TMX3: variants seen among roughly 807,000 people sequenced by gnomAD.
TMX3 encodes thioredoxin related transmembrane protein 3, also known as protein disulfide-isomerase TMX3.
In TMX3, 40 loss-of-function variants were observed where a neutral mutation model predicts 64.4. The observed-to-expected ratio is 0.62, with a 90% confidence interval of 0.48 to 0.81. TMX3 has a LOEUF of 0.81. TMX3 is among the 30% of genes least tolerant of loss of function. TMX3 has a pLI of 0.00. For missense variants in TMX3, 497 were observed against 534.5 expected, an observed-to-expected ratio of 0.93 and a Z score of 0.69; for synonymous variants, 189 against 175.7, an observed-to-expected ratio of 1.08 and a Z score of -0.60.
chr18:68,686,972 T>C lies in TMX3; in HGVS notation c.736+695A>G, dbSNP rs1226607550. ...GAAGAGGAAACCCTATGCCTATTACTTACATTAAAAAAAAATAAGTCTTGA... is the reference window on the plus strand; with the variant it reads ...GAAGAGGAAACCCTATGCCTATTACCTACATTAAAAAAAAATAAGTCTTGA... On this transcript the variant is annotated intron_variant, in intron 10 of 15. Transcript: ENST00000299608. 5.1e-6 allele frequency: 5 copies of C among 983,404 alleles called. No homozygotes were observed. The East Asian group carries it at 4.5e-4, about 89-fold the overall frequency. The allele number at this position is 983,404 out of a possible 1,614,324, so 60.9% of individuals were successfully genotyped here. A position where few individuals can be genotyped will look rare whatever the true frequency, so the allele number is the denominator to read the frequency against.
At chr18:68,698,673 G>C (rs886885796) in intron 6 of TMX3, among the ~76,000 whole-genome samples, 6 of 152,058 alleles carry the variant, frequency 3.9e-5, no homozygotes, top group African/African-American at 1.2e-4. Flanking sequence ...ATTGAGCAAT[G>C]AATTACGTCA....
chr18:68,712,445 T>C (rs1197135438), intron 2 of TMX3, among the ~76,000 whole-genome samples: 3 of 152,196 alleles, frequency 2.0e-5, no homozygotes, highest in African/African-American at 7.2e-5. Flanking sequence ...TGAATTTCCA[T>C]GAGCCATCTC....
At chr18:68,711,434 T>C in intron 2 of TMX3, 31 bp from the exon 3 acceptor site, 2 of 1,520,676 alleles carry the variant, frequency 1.3e-6, no homozygotes, top group South Asian at 1.2e-5. Context: ...TGTTTGATTG[T>C]ATGTTTGTGT....
chr18:68,690,984 T>G (rs1361486928), intron 9 of TMX3: 1 of 279,446 alleles, frequency 3.6e-6, no homozygotes, highest in Non-Finnish European at 6.6e-6. Context: ...TCTGAAATGT[T>G]ACTTCAAAAA....
intron 10 of TMX3, among the ~76,000 whole-genome samples, 153 bp from the exon 11 acceptor site, chr18:68,684,638 C>T (rs879896337): frequency 1.3e-5 from 2 of 152,148 alleles, no homozygotes; most frequent in African/African-American, 2.4e-5. Context: ...CAACACATTA[C>T]GGTATATGTT....
At chr18:68,687,264 G>T (rs1914056551) in intron 10 of TMX3, 1 of 985,234 alleles carries the variant, frequency 1.0e-6, no homozygotes, top group Non-Finnish European at 1.2e-6. Context: ...AGCGTAACTT[G>T]AAGAAACCAT....
chr18:68,684,608 C>T lies in TMX3; in HGVS notation c.737-123G>A, dbSNP rs553617184. ...CTAGAATTTAATTCCAATCACCCTA[C>T]ATGTTATATCAAATTAAATCAACAC... On this transcript the variant is annotated intron_variant, in intron 10 of 15. Coordinates refer to ENST00000299608, the MANE Select transcript of TMX3 (RefSeq NM_019022.5). 11 of 752,090 alleles carry T rather than the reference C, an allele frequency of 1.5e-5. No homozygotes were observed. In the East Asian group the frequency reaches 2.3e-4, roughly 15 times the overall value. The allele number at this position is 752,090 out of a possible 1,614,324, so 46.6% of individuals were successfully genotyped here.
intron 10 of TMX3, chr18:68,686,985 A>C: frequency 1.0e-6 from 1 of 983,524 alleles, no homozygotes; most frequent in Non-Finnish European, 1.2e-6. Flanking sequence ...CATTAAAAAA[A>C]AATAAGTCTT....
In TMX3 at chr18:68,700,475, C is replaced by T. The variant is rs768329170; in HGVS notation, c.322G>A (p.Asp108Asn). ...GGTCCTCTATAATTATATGCCAAGTCCCCTTTTAATCTTTAAAAAAAAAAA... is the reference window on the plus strand; with the variant it reads ...GGTCCTCTATAATTATATGCCAAGTTCCCTTTTAATCTTTAAAAAAAAAAA... The part of the protein sequence containing the change: ...GYPTIKLLKG[D>N]LAYNYRGPRT... The change falls in exon 6 of 16, where the codon GAC becomes AAC. Residue 108 changes from aspartate (D) to asparagine (N), a missense_variant. Physicochemically the swap from Asp to Asn is conservative, Grantham distance 23. Around this residue, in one of 3 missense-constraint regions of TMX3, gnomAD observed 360 missense variants for 383.5 expected, o/e 0.94. Coordinates refer to ENST00000299608, the MANE Select transcript of TMX3 (RefSeq NM_019022.5). 1.7e-5 allele frequency: 26 copies of T among 1,551,200 alleles called. No individual in the cohort carries two copies. In the African/African-American group the frequency reaches 3.5e-4, roughly 21 times the overall value.
intron 12 of TMX3, 50 bp from the exon 13 acceptor site, chr18:68,683,031 GGA>G (rs150451307): frequency 9.2e-4 from 1,374 of 1,498,016 alleles, no homozygotes; most frequent in South Asian, 1.8e-3. Flanking sequence ...GGGGGTGGGG[GGA>G]GAGAGAGAGA....
At chr18:68,697,428 C>T (rs1915204140) in intron 7 of TMX3, 125 bp from the exon 8 acceptor site, 2 of 464,402 alleles carry the variant, frequency 4.3e-6, no homozygotes, top group African/African-American at 4.1e-5. Context: ...ACCTTACATC[C>T]TCTTAGGTGA....
At chr18:68,707,626 T>C (rs533627350) in intron 4 of TMX3, among the ~76,000 whole-genome samples, 17 of 152,358 alleles carry the variant, frequency 1.1e-4, no homozygotes, top group South Asian at 8.3e-4. Context: ...TTTATCTTCA[T>C]AGTCCCACAT....
Position 68,691,348 on chromosome 18 carries a change from T to G in TMX3, c.584A>C (p.Lys195Thr). ...EEVVPEYVTL[K>T]EMPAVLVFKD... is the part of the protein sequence containing the mutation. ...GAAAACAAGCACAGCTGGCATCTCT[T>G]TTAGTGTCACATACTGCAAAAAATC... The change falls in exon 9 of 16, where the codon AAA (lysine) becomes ACA (threonine). Residue 195 changes from lysine (K) to threonine (T), a missense_variant. Around this residue, in one of 3 missense-constraint regions of TMX3, gnomAD observed 360 missense variants for 383.5 expected, o/e 0.94. Coordinates refer to ENST00000299608, the MANE Select transcript of TMX3 (RefSeq NM_019022.5). 6.4e-7 allele frequency: 1 copy of G among 1,562,182 alleles called. No homozygotes were observed. Among genetic ancestry groups the G allele is most frequent in the Non-Finnish European group, 8.7e-7 (1 of 1,149,766 alleles).
chr18:68,678,427 A>G (rs1913127997), intron 15 of TMX3, among the ~76,000 whole-genome samples: 1 of 152,096 alleles, frequency 6.6e-6, no homozygotes, highest in African/African-American at 2.4e-5. Context: ...AAGAGTGTCA[A>G]GCGAGAAGGT....
chr18:68,681,332 T>C, intron 13 of TMX3: 1 of 594,944 alleles, frequency 1.7e-6, no homozygotes, highest in Non-Finnish European at 2.3e-6. Flanking sequence ...ACGCAATTCA[T>C]CTTTAAGTCT....
intron 8 of TMX3, among the ~76,000 whole-genome samples, chr18:68,693,174 C>T (rs1914690150): frequency 6.6e-6 from 1 of 152,214 alleles, no homozygotes; most frequent in South Asian, 2.1e-4. Context: ...AGTGTGGCCT[C>T]TTTTTCTCAT....
chr18:68,678,415 G>C (rs1045481469), intron 15 of TMX3, among the ~76,000 whole-genome samples: 1 of 152,006 alleles, frequency 6.6e-6, no homozygotes, highest in Non-Finnish European at 1.5e-5. Context: ...GAACAATTTC[G>C]TAAGAGTGTC....
chr18:68,701,314 C>T (rs759646411), intron 5 of TMX3, among the ~76,000 whole-genome samples: 1 of 152,070 alleles, frequency 6.6e-6, no homozygotes, highest in Admixed American at 6.6e-5. Flanking sequence ...TGAGAAAATT[C>T]AATGAAGTCA....
chr18:68,708,548 TCTA>T (rs2030952861), intron 4 of TMX3, among the ~76,000 whole-genome samples: 1 of 152,128 alleles, frequency 6.6e-6, no homozygotes, highest in Admixed American at 6.5e-5. Context: ...TCCATTGTAC[TCTA>T]CTGTCACCAC....
Sources: gnomAD v4.1 joint callset for allele counts (sites outside exome capture counted in the v4.1 genomes callset) on GRCh38, gnomAD v4.1.1 for gene constraint, gnomAD v4.1.1 regional missense constraint, MANE v1.5 for transcripts, NCBI Gene and HGNC (gene_info 2026-07-23, HGNC 2026-07-21) for gene names.